BMPR1A: variants seen among roughly 807,000 people sequenced by gnomAD.
BMPR1A encodes the protein bone morphogenetic protein receptor type-1A.
In BMPR1A, 7 loss-of-function variants were observed where a neutral mutation model predicts 66.0. That is an observed-to-expected ratio of 0.11 (90% CI 0.06 to 0.20). BMPR1A has a LOEUF of 0.20. Ranked by LOEUF, BMPR1A falls within the 10% of genes least tolerant of loss-of-function variation. The probability of loss-of-function intolerance (pLI) is 1.00; values close to 1 mark genes in which losing one functional copy is unlikely to be tolerated. For synonymous variants in BMPR1A, 200 were observed against 229.7 expected, an observed-to-expected ratio of 0.87 and a Z score of 1.17; for missense variants, 408 against 669.1, an observed-to-expected ratio of 0.61 and a Z score of 4.31.
At chr10:86,916,695 A>G (rs761396026) in intron 8 of BMPR1A, among the ~76,000 whole-genome samples, 2 of 152,156 alleles carry the variant, frequency 1.3e-5, no homozygotes, top group Non-Finnish European at 2.9e-5. Flanking sequence ...TTCATACTTT[A>G]AAGTACATTA....
intron 1 of BMPR1A, among the ~76,000 whole-genome samples, chr10:86,818,838 C>T (rs1445102759): frequency 6.6e-6 from 1 of 152,120 alleles, no homozygotes; most frequent in Admixed American, 6.6e-5. Flanking sequence ...ACTCAAGCCC[C>T]TTAAGACAGA....
chr10:86,809,618 T>TTTTCTTG, intron 1 of BMPR1A, among the ~76,000 whole-genome samples: 1 of 149,716 alleles, frequency 6.7e-6, no homozygotes, highest in Admixed American at 6.6e-5. Flanking sequence ...TTTTTCTCTT[T>TTTTCTTG]TTTCTTTTTT....
chr10:86,819,217 G>T (rs1842084255), intron 1 of BMPR1A, among the ~76,000 whole-genome samples: 1 of 152,086 alleles, frequency 6.6e-6, no homozygotes, highest in African/African-American at 2.4e-5. Flanking sequence ...CATCTCTGGA[G>T]ATCTCTGTAT....
chr10:86,816,152 G>T (rs1298668027), intron 1 of BMPR1A, among the ~76,000 whole-genome samples: 2 of 152,172 alleles, frequency 1.3e-5, no homozygotes, highest in East Asian at 3.8e-4. Flanking sequence ...CAGCCACTAG[G>T]CTACATGTGG....
intron 7 of BMPR1A, among the ~76,000 whole-genome samples, chr10:86,901,999 C>T (rs1235047815): frequency 6.6e-6 from 1 of 152,086 alleles, no homozygotes; most frequent in East Asian, 1.9e-4. Context: ...ACTGGGATTA[C>T]AGGTATGCAC....
At chr10:86,856,877 GACTGA>G (rs1186796078) in intron 2 of BMPR1A, among the ~76,000 whole-genome samples, 2 of 152,180 alleles carry the variant, frequency 1.3e-5, no homozygotes, top group Non-Finnish European at 2.9e-5. Context: ...TAAATTAACT[GACTGA>G]ACTTGGGAAA....
At chr10:86,897,110 T>C (rs1228211869) in intron 5 of BMPR1A, among the ~76,000 whole-genome samples, 1 of 152,228 alleles carries the variant, frequency 6.6e-6, no homozygotes, top group African/African-American at 2.4e-5. Context: ...TTCAGAAACC[T>C]CACTGCCATT....
chr10:86,834,525 A>C (rs1424263753), intron 1 of BMPR1A, among the ~76,000 whole-genome samples: 4 of 152,246 alleles, frequency 2.6e-5, no homozygotes, highest in Non-Finnish European at 2.9e-5. Flanking sequence ...TGGATTTAGT[A>C]CAACTGTTTA....
chr10:86,761,518 A>G (rs1841057489), intron 1 of BMPR1A, among the ~76,000 whole-genome samples: 1 of 152,234 alleles, frequency 6.6e-6, no homozygotes, highest in African/African-American at 2.4e-5. Context: ...AGAAAGGAAG[A>G]CTGAAGATGT....
intron 1 of BMPR1A, among the ~76,000 whole-genome samples, chr10:86,781,153 T>C (rs1841432206): frequency 6.6e-6 from 1 of 152,198 alleles, no homozygotes; most frequent in Admixed American, 6.5e-5. Flanking sequence ...CATGCCCGGC[T>C]CTCATTTCGA....
At chr10:86,912,532 G>A (rs1589288750) in intron 8 of BMPR1A, 148 bp downstream of exon 8, 4 of 976,930 alleles carry the variant, frequency 4.1e-6, no homozygotes, top group South Asian at 1.5e-5. Context: ...AGTATTGCAA[G>A]GTGAAATTAG....
chr10:86,863,239 A>G (rs772659285), intron 2 of BMPR1A, among the ~76,000 whole-genome samples: 3 of 152,152 alleles, frequency 2.0e-5, no homozygotes, highest in Non-Finnish European at 4.4e-5. Context: ...CAGCCTCCCA[A>G]AGTGCTGGGA....
At chr10:86,863,022 C>T (rs916743197) in intron 2 of BMPR1A, among the ~76,000 whole-genome samples, 2 of 151,678 alleles carry the variant, frequency 1.3e-5, no homozygotes, top group Non-Finnish European at 1.5e-5. Context: ...CTTTGTCGCC[C>T]AGGCTGGAAT....
chr10:86,756,231 C>T (rs1327304990), upstream of BMPR1A: 1 of 152,130 alleles, frequency 6.6e-6, no homozygotes, highest in Non-Finnish European at 1.5e-5. Context: ...TGTCCACGCT[C>T]CCCTCCGCCG....
At chr10:86,839,310 A>G (rs1842393269) in intron 2 of BMPR1A, among the ~76,000 whole-genome samples, 1 of 152,202 alleles carries the variant, frequency 6.6e-6, no homozygotes, top group South Asian at 2.1e-4. Flanking sequence ...AGAGTTCAGC[A>G]TGCAAGATTA....
At chr10:86,826,192 G>C (rs1205103351) in intron 1 of BMPR1A, among the ~76,000 whole-genome samples, 1 of 152,074 alleles carries the variant, frequency 6.6e-6, no homozygotes, top group Non-Finnish European at 1.5e-5. Context: ...CTAAGAGCAA[G>C]GTTGTCTTCC....
intron 2 of BMPR1A, among the ~76,000 whole-genome samples, chr10:86,846,443 CA>C (rs1270461395): frequency 9.9e-5 from 15 of 152,184 alleles, no homozygotes; most frequent in Non-Finnish European, 2.1e-4. Flanking sequence ...TGGGCATTCA[CA>C]TAAGATAAAG....
At chr10:86,870,424 T>G (rs538864884) in intron 2 of BMPR1A, among the ~76,000 whole-genome samples, 6 of 152,196 alleles carry the variant, frequency 3.9e-5, no homozygotes, top group African/African-American at 1.4e-4. Flanking sequence ...CCACTGAGTT[T>G]TGTTTTGTTT....
intron 5 of BMPR1A, among the ~76,000 whole-genome samples, chr10:86,897,068 T>A (rs1203941428): frequency 6.6e-6 from 1 of 152,220 alleles, no homozygotes; most frequent in Non-Finnish European, 1.5e-5. Flanking sequence ...AAATTGTGCT[T>A]ATTCTGTTTC....
Sources: gnomAD v4.1 joint callset for allele counts (sites outside exome capture counted in the v4.1 genomes callset) on GRCh38, gnomAD v4.1.1 for gene constraint, MANE v1.5 for transcripts, NCBI Gene and HGNC (gene_info 2026-07-23, HGNC 2026-07-21) for gene names.